Variants in TAFAZZIN observed in about 807,000 individuals in gnomAD.
The protein encoded by TAFAZZIN is protein G4.5.
A neutral mutation model predicts 27.3 loss-of-function variants in TAFAZZIN; 6 were observed. The ratio of observed to expected loss-of-function variants is 0.22; its 90% CI spans 0.12 to 0.43. The LOEUF (loss-of-function observed/expected upper bound fraction) is 0.43, where lower values mean the gene tolerates loss of function less well. TAFAZZIN is among the 20% of genes least tolerant of loss of function. TAFAZZIN has a pLI of 1.00. For synonymous variants in TAFAZZIN, 79 were observed against 96.2 expected (o/e 0.82, Z 1.04); for missense variants, 127 against 244.5 (o/e 0.52, Z 3.21).
rs182065007 is a variant in TAFAZZIN at position 154,421,288 on chromosome X, G to T, written c.*284G>T. The T allele has an allele frequency of 2.2e-6, 1 of 445,713 alleles. No homozygotes were observed. 36.7% of individuals were successfully genotyped at this position (445,713 alleles called of 1,213,427 possible). On this transcript the variant is annotated 3_prime_UTR_variant, in exon 11 of 11. Transcript: ENST00000601016. Reference sequence around the variant, plus strand: ...TCTCCCAGGGGCTGGCTTCAGGAGGGAGCATAGAAGGCAGGTGAGCAACCA... The same window carrying T: ...TCTCCCAGGGGCTGGCTTCAGGAGGTAGCATAGAAGGCAGGTGAGCAACCA...
intron 5 of TAFAZZIN, among the ~76,000 whole-genome samples, chrX:154,414,628 C>T (rs2068428458): frequency 9.5e-6 from 1 of 104,818 alleles, no homozygotes; most frequent in Admixed American, 1.0e-4. Flanking sequence ...GAAGGTGGAG[C>T]TTGCAGTGAG....
At chrX:154,413,381 G>A (rs782290550) in intron 3 of TAFAZZIN, 101 bp from the exon 4 acceptor site, 9 of 1,207,866 alleles carry the variant, frequency 7.5e-6, no homozygotes, top group East Asian at 3.0e-5. Flanking sequence ...GTGGGGCCCC[G>A]CAGGCCCTCC....
intron 5 of TAFAZZIN, among the ~76,000 whole-genome samples, chrX:154,416,132 G>C (rs1367273463): frequency 9.0e-6 from 1 of 111,174 alleles, no homozygotes; most frequent in Non-Finnish European, 1.9e-5. Flanking sequence ...GGGCGCGGTG[G>C]CTCACGCCTG....
chrX:154,416,076 TG>T (rs2068482919), intron 5 of TAFAZZIN, among the ~76,000 whole-genome samples: 1 of 106,205 alleles, frequency 9.4e-6, no homozygotes, highest in South Asian at 4.2e-4. Context: ...CTGACCAACA[TG>T]GCGAAACCCC....
At chrX:154,412,238 AG>A in intron 2 of TAFAZZIN, 24 bp downstream of exon 2, 1 of 1,186,899 alleles carries the variant, frequency 8.4e-7, no homozygotes, top group South Asian at 1.8e-5. Flanking sequence ...TGTGCTGGGC[AG>A]GGGGAGGAAA....
chrX:154,416,421 C>T lies in TAFAZZIN; in HGVS notation c.460+2231C>T, dbSNP rs1403139083. Among the ~76,000 whole-genome samples, 4 of 106,679 alleles carry T rather than the reference C, an allele frequency of 3.7e-5. No homozygotes were observed. The South Asian group carries it at 1.2e-3, about 33-fold the overall frequency. The allele number at this position is 106,679 out of a possible 115,157, so 92.6% of individuals were successfully genotyped here. A position where few individuals can be genotyped will look rare whatever the true frequency, so the allele number is the denominator to read the frequency against. ...CTGCACTCCAGCCTGGGTGACAGAG[C>T]GAGACTCCGTCTCAAAAAAAAAAAA... On this transcript the variant is annotated intron_variant, in intron 5 of 10. Coordinates refer to ENST00000601016, the MANE Select transcript of TAFAZZIN (RefSeq NM_000116.5).
At chrX:154,419,771 C>T (rs781795756) in intron 7 of TAFAZZIN, 25 bp downstream of exon 7, 129 of 1,210,799 alleles carry the variant, frequency 1.1e-4, no homozygotes, top group East Asian at 1.5e-4. Flanking sequence ...TCTCTGGCCA[C>T]AGCCATCCTC....
chrX:154,419,706 G>C lies in TAFAZZIN; in HGVS notation c.543G>C (p.Gly181=). The change falls in exon 7 of 11, where the codon GGG becomes GGC. Residue 181 remains glycine, a splice_region_variant and synonymous_variant. Transcript: ENST00000601016. ...HGDWVHIFPE[G]KVNMSSEFLR... ...CTCGCCTCTGTGCTCTCTCACCAGGGAAAGTGAACATGAGTTCCGAATTCC... is the reference window on the plus strand; with the variant it reads ...CTCGCCTCTGTGCTCTCTCACCAGGCAAAGTGAACATGAGTTCCGAATTCC... The C allele has an allele frequency of 1.6e-6, 2 of 1,212,485 alleles. No homozygotes were observed. The highest frequency in any genetic ancestry group is 2.2e-5 in the Admixed American group (1 of 46,152).
intron 8 of TAFAZZIN, 44 bp from the exon 9 acceptor site, chrX:154,420,168 C>T: frequency 2.5e-6 from 3 of 1,210,170 alleles, no homozygotes; most frequent in Non-Finnish European, 3.4e-6. Context: ...TCCCAGGCTG[C>T]CCTGCTCCAC....
intron 8 of TAFAZZIN, 34 bp downstream of exon 8, chrX:154,420,128 C>G: frequency 1.7e-6 from 2 of 1,210,293 alleles, no homozygotes; most frequent in South Asian, 3.5e-5. Flanking sequence ...GAGATGGCAT[C>G]TGGGGTGGGG....
chrX:154,421,647 A>G lies in TAFAZZIN; in HGVS notation c.*643A>G. The G allele has an allele frequency of 3.0e-6, 1 of 329,898 alleles. No individual in the cohort carries two copies. Among genetic ancestry groups the G allele is most frequent in the Non-Finnish European group, 5.9e-6 (1 of 170,040 alleles). 27.2% of individuals were successfully genotyped at this position (329,898 alleles called of 1,213,427 possible). ...ACTTCTCCATCCTTTCTGCCTCTCA[A>G]CATCACTTGAATCCTAGGGCCTGGG... On this transcript the variant is annotated 3_prime_UTR_variant, in exon 11 of 11. Coordinates refer to ENST00000601016, the MANE Select transcript of TAFAZZIN (RefSeq NM_000116.5).
chrX:154,414,288 C>A, intron 5 of TAFAZZIN, 98 bp downstream of exon 5: 1 of 642,862 alleles, frequency 1.6e-6, no homozygotes, highest in Non-Finnish European at 2.5e-6. Context: ...CCAGCCTGGG[C>A]AACATAGTAA....
In TAFAZZIN at chrX:154,419,879, A is replaced by G; in HGVS notation, c.583+133A>G. 4 of 1,078,257 alleles carry G rather than the reference A, an allele frequency of 3.7e-6. No individual in the cohort carries two copies. In the Admixed American group the frequency reaches 8.8e-5, roughly 24 times the overall value. 88.9% of individuals were successfully genotyped at this position (1,078,257 alleles called of 1,213,427 possible). A position where few individuals can be genotyped will look rare whatever the true frequency, so the allele number is the denominator to read the frequency against. On this transcript the variant is annotated intron_variant, in intron 7 of 10. Transcript: ENST00000601016. Reference sequence around the variant, plus strand: ...GTGTTTGTAGCGCCAGGAAGGGGACAGGTGCTGAGACTAGGCCTGCCTCTC... The same window carrying G: ...GTGTTTGTAGCGCCAGGAAGGGGACGGGTGCTGAGACTAGGCCTGCCTCTC...
intron 2 of TAFAZZIN, 147 bp downstream of exon 2, chrX:154,412,361 G>C: frequency 1.2e-6 from 1 of 813,420 alleles, no homozygotes; most frequent in Non-Finnish European, 1.7e-6. Context: ...GCTGAGACTT[G>C]GATTTGTGGC....
intron 5 of TAFAZZIN, among the ~76,000 whole-genome samples, chrX:154,415,095 C>CGAT (rs1360031711): frequency 9.2e-6 from 1 of 108,707 alleles, no homozygotes; most frequent in Non-Finnish European, 1.9e-5. Flanking sequence ...CTTGAGCCCT[C>CGAT]GATTTTCTTT....
At chrX:154,412,031 G>T in intron 1 of TAFAZZIN, 55 bp from the exon 2 acceptor site, 5 of 1,206,820 alleles carry the variant, frequency 4.1e-6, no homozygotes, top group Non-Finnish European at 5.6e-6. Flanking sequence ...GGGGGACGCC[G>T]CGGCCCCGAC....
intron 5 of TAFAZZIN, among the ~76,000 whole-genome samples, chrX:154,416,434 C>CAAAA: frequency 1.2e-5 from 1 of 83,246 alleles, no homozygotes; most frequent in East Asian, 3.7e-4. Context: ...GACTCCGTCT[C>CAAAA]AAAAAAAAAA....
chrX:154,419,280 G>A (rs1603381153), intron 5 of TAFAZZIN: 1 of 423,817 alleles, frequency 2.4e-6, no homozygotes, highest in East Asian at 3.9e-5. Flanking sequence ...TAGGAAGGAA[G>A]CCCCACAGCG....
intron 5 of TAFAZZIN, among the ~76,000 whole-genome samples, chrX:154,414,713 G>A (rs1170629975): frequency 9.7e-6 from 1 of 102,909 alleles, no homozygotes; most frequent in Non-Finnish European, 2.0e-5. Flanking sequence ...AAAAAGTGCC[G>A]GCCACGGTGG....
Sources: gnomAD v4.1 joint callset for allele counts (sites outside exome capture counted in the v4.1 genomes callset) on GRCh38, gnomAD v4.1.1 for gene constraint, MANE v1.5 for transcripts, NCBI Gene and HGNC (gene_info 2026-07-23, HGNC 2026-07-21) for gene names.